Variants in TRPV3 observed in about 807,000 individuals in gnomAD.
TRPV3 encodes the protein VRL-3.
Under a neutral mutation model 87.1 loss-of-function variants are expected in TRPV3, and 88 were observed. The ratio of observed to expected loss-of-function variants is 1.01; its 90% CI spans 0.85 to 1.21. The LOEUF is 1.21. Among genes scored for constraint, TRPV3 ranks in the 50% most tolerant of loss-of-function variants. The probability of loss-of-function intolerance (pLI) is 0.00; values close to 1 mark genes in which losing one functional copy is unlikely to be tolerated. For missense variants in TRPV3, 1,054 were observed against 1,030.1 expected (o/e 1.02, Z -0.32); for synonymous variants, 438 against 423.3 (o/e 1.03, Z -0.43).
At chr17:3,526,803 G>A in intron 12 of TRPV3, 51 bp downstream of exon 12, 1 of 1,462,134 alleles carries the variant, frequency 6.8e-7, no homozygotes, top group South Asian at 1.2e-5. Flanking sequence ...CCACCATACA[G>A]GACGTCAACC....
intron 5 of TRPV3, 35 bp downstream of exon 5, chr17:3,543,439 C>T: frequency 6.2e-7 from 1 of 1,607,448 alleles, no homozygotes; most frequent in South Asian, 1.1e-5. Context: ...GCAGGGCCCC[C>T]AGCCCTGCAC....
intron 12 of TRPV3, among the ~76,000 whole-genome samples, chr17:3,525,059 AC>A (rs1299581112): frequency 3.3e-5 from 5 of 152,176 alleles, no homozygotes; most frequent in South Asian, 2.1e-4. Context: ...TTGCTCTGTC[AC>A]CTAGGCTGGA....
At position 3,533,522 on chromosome 17, in the gene TRPV3, T is replaced by C. The variant is rs528794737; in HGVS notation, c.785-585A>G. On this transcript the variant is annotated intron_variant, in intron 7 of 17. Coordinates refer to ENST00000576742, the MANE Select transcript of TRPV3 (RefSeq NM_145068.4). Reference sequence around the variant, plus strand: ...TTTACTTTTTTTTTTTTTTTTGAGATGGAGTCCTACTCTGTCGCCAGGCTG... The same window carrying C: ...TTTACTTTTTTTTTTTTTTTTGAGACGGAGTCCTACTCTGTCGCCAGGCTG... Among the ~76,000 whole-genome samples the C allele has an allele frequency of 5.2e-3, 758 of 145,782 alleles. 6 individuals are homozygous for C. The highest frequency in any genetic ancestry group is 0.017 in the African/African-American group (676 of 39,376).
rs1391921015 is a variant in TRPV3, at chr17:3,557,069, G to A, written c.-3+607C>T. 3.3e-5 allele frequency among the ~76,000 whole-genome samples: 5 copies of A among 152,020 alleles called. No individual in the cohort carries two copies. The South Asian group carries it at 1.0e-3, about 32-fold the overall frequency. On this transcript the variant is annotated intron_variant, in intron 1 of 17. Coordinates refer to ENST00000576742, the MANE Select transcript of TRPV3 (RefSeq NM_145068.4). The surrounding 1 kb of genome is among the most constrained non-coding windows in gnomAD (Gnocchi z 4.5). Reference sequence around the variant, plus strand: ...GGGCAGGAGAGGCTCAGGGAACTCTGGACTAGGGCCGCAGCAGCTATCATT... The same window carrying A: ...GGGCAGGAGAGGCTCAGGGAACTCTAGACTAGGGCCGCAGCAGCTATCATT...
chr17:3,524,449 A>C, intron 12 of TRPV3, 86 bp from the exon 13 acceptor site: 1 of 1,519,660 alleles, frequency 6.6e-7, no homozygotes, highest in Non-Finnish European at 8.9e-7. Flanking sequence ...CCTCCCTTAA[A>C]CCCCCTGAAC....
chr17:3,535,481 TCCC>T, intron 7 of TRPV3, 89 bp downstream of exon 7: 1 of 870,634 alleles, frequency 1.1e-6, no homozygotes, highest in Non-Finnish European at 1.4e-6. Flanking sequence ...TCCCCCCTCC[TCCC>T]TTCTTCCCTC....
intron 9 of TRPV3, 107 bp downstream of exon 9, chr17:3,529,920 C>T (rs530992278): frequency 6.8e-6 from 9 of 1,323,590 alleles, no homozygotes; most frequent in Admixed American, 4.6e-5. Flanking sequence ...ATGCAGATGC[C>T]GAGGGATGGA....
At chr17:3,522,564 C>A (rs568926837) in intron 13 of TRPV3, among the ~76,000 whole-genome samples, 32 of 150,518 alleles carry the variant, frequency 2.1e-4, no homozygotes, top group Admixed American at 8.6e-4. Context: ...CCCCCCCCCA[C>A]CCCCCAGCAC....
intron 1 of TRPV3, 64 bp from the exon 2 acceptor site, chr17:3,554,916 G>T: frequency 8.4e-7 from 1 of 1,191,366 alleles, no homozygotes; most frequent in Non-Finnish European, 1.2e-6. Flanking sequence ...AGGGAGTTTA[G>T]GGGCCCCATG....
At position 3,528,078 on chromosome 17, in the gene TRPV3, G is replaced by A. The variant is rs369665056; in HGVS notation, c.1450C>T (p.Leu484Phe). 2.3e-5 allele frequency: 37 copies of A among 1,613,624 alleles called. No homozygotes were observed. The highest frequency in any genetic ancestry group is 3.1e-5 in the Non-Finnish European group (36 of 1,179,932). Residue 484 changes from leucine to phenylalanine, a missense_variant, in exon 11 of 18, where the codon CTC becomes TTC. By Grantham distance (22) the Leu-to-Phe change is conservative. Coordinates refer to ENST00000576742, the MANE Select transcript of TRPV3 (RefSeq NM_145068.4). The surrounding 1 kb of genome is among the most constrained non-coding windows in gnomAD (Gnocchi z 4.2). ...ALTHKMGWLQ[L>F]LGRMFVLIWA... is the part of the protein sequence containing the mutation. ...ATGAGCACAAACATCCTCCCTAGGA[G>A]CTGCAGCCACCCCATCTTGTGCGTC...
At chr17:3,552,723 C>T (rs2074590135) in intron 2 of TRPV3, 1 of 152,312 alleles carries the variant, frequency 6.6e-6, no homozygotes, top group African/African-American at 2.4e-5. Context: ...AGAAGGCAGC[C>T]TGACGGTTCC....
chr17:3,545,518 C>T (rs1015316723), intron 2 of TRPV3, among the ~76,000 whole-genome samples: 21 of 152,224 alleles, frequency 1.4e-4, no homozygotes, highest in African/African-American at 4.1e-4. Flanking sequence ...AGGACTGAGG[C>T]GAACCCAATT....
intron 3 of TRPV3, among the ~76,000 whole-genome samples, 182 bp downstream of exon 3, chr17:3,544,985 G>A (rs1308208782): frequency 1.3e-5 from 2 of 152,214 alleles, no homozygotes. Flanking sequence ...CTGCACTCCA[G>A]CCTGGGCAAC....
intron 1 of TRPV3, among the ~76,000 whole-genome samples, chr17:3,555,722 G>GGAAGGAC (rs2074622698): frequency 1.3e-5 from 2 of 152,326 alleles, no homozygotes; most frequent in African/African-American, 4.8e-5. Flanking sequence ...GCTGTGTGGA[G>GGAAGGAC]GAAGGACAAG....
rs150932901 is a variant in TRPV3, at chr17:3,516,491, T to C, written c.2164A>G (p.Lys722Glu). 2 of 1,614,050 alleles carry C rather than the reference T, an allele frequency of 1.2e-6. No individual in the cohort carries two copies. The highest frequency in any genetic ancestry group is 2.7e-5 in the African/African-American group (2 of 74,922). Residue 722 changes from lysine to glutamate, a missense_variant, in exon 16 of 18, where the codon AAA (lysine) becomes GAA (glutamate). By Grantham distance (56) the Lys-to-Glu change is moderately conservative (BLOSUM62 1). Coordinates refer to ENST00000576742, the MANE Select transcript of TRPV3 (RefSeq NM_145068.4). ...RSRFRMGELC[K>E]VAEDDFRLCL... ...AGTCGGAAATCATCCTCGGCCACTT[T>C]GCACAGCTCTCCCATCCGGAATCTG...
chr17:3,524,823 A>G (rs925954098), intron 12 of TRPV3, among the ~76,000 whole-genome samples: 22 of 151,868 alleles, frequency 1.4e-4, no homozygotes, highest in Non-Finnish European at 2.2e-4. Flanking sequence ...AAAAAAAAAA[A>G]AAGAAAAGAA....
intron 13 of TRPV3, among the ~76,000 whole-genome samples, chr17:3,522,579 G>A (rs1457610043): frequency 1.3e-5 from 2 of 149,296 alleles, no homozygotes; most frequent in Non-Finnish European, 3.0e-5. Flanking sequence ...CAGCACTTTG[G>A]GAGGCCGAGG....
chr17:3,512,397 T>A lies in TRPV3; in HGVS notation c.*1520A>T, dbSNP rs113498943. 6.6e-6 allele frequency: 1 copy of A among 152,244 alleles called. No homozygotes were observed. The highest frequency in any genetic ancestry group is 2.4e-5 in the African/African-American group (1 of 41,456). The allele number at this position is 152,244 out of a possible 1,614,324, so 9.4% of individuals were successfully genotyped here. A position where few individuals can be genotyped will look rare whatever the true frequency, so the allele number is the denominator to read the frequency against. On this transcript the variant is annotated 3_prime_UTR_variant, in exon 18 of 18. Coordinates refer to ENST00000576742, the MANE Select transcript of TRPV3 (RefSeq NM_145068.4). Reference sequence around the variant, plus strand: ...AAAGTCTCTATCTGTCCAGCTAGTCTGGCACACAGAGTGGCCCAGGGCAGA... The same window carrying A: ...AAAGTCTCTATCTGTCCAGCTAGTCAGGCACACAGAGTGGCCCAGGGCAGA...
chr17:3,524,662 G>T (rs1443614335), intron 12 of TRPV3, among the ~76,000 whole-genome samples: 1 of 150,334 alleles, frequency 6.7e-6, no homozygotes, highest in East Asian at 1.9e-4. Flanking sequence ...TGCCCGGGAG[G>T]CCATATATTT....
Sources: allele counts gnomAD v4.1 joint callset (sites outside exome capture counted in the v4.1 genomes callset), GRCh38; gene constraint gnomAD v4.1.1; non-coding constraint Gnocchi (gnomAD v3.1); transcripts MANE v1.5; gene names NCBI Gene and HGNC (gene_info 2026-07-23, HGNC 2026-07-21).